Variants in PROCR observed in about 807,000 individuals in gnomAD.
PROCR encodes the protein endothelial protein C receptor.
A neutral mutation model predicts 24.2 loss-of-function variants in PROCR; 22 were observed. The ratio of observed to expected loss-of-function variants is 0.91; its 90% confidence interval spans 0.65 to 1.30. PROCR has a LOEUF of 1.30. Among genes scored for constraint, PROCR ranks in the 50% most tolerant of loss-of-function variants. PROCR has a pLI of 0.00. For synonymous variants in PROCR, 137 were observed against 139.2 expected, an observed-to-expected ratio of 0.98 and a Z score of 0.11; for missense variants, 288 against 307.7, an observed-to-expected ratio of 0.94 and a Z score of 0.48.
Position 35,176,451 on chromosome 20 carries a change from G to A in PROCR, c.601+5G>A. The A allele has an allele frequency of 1.2e-6, 2 of 1,613,472 alleles. No individual in the cohort carries two copies. The highest frequency in any genetic ancestry group is 2.2e-5 in the South Asian group (2 of 91,052). On this transcript the variant is annotated splice_donor_5th_base_variant and intron_variant, in intron 3 of 3. Transcript: ENST00000216968. ...TTTCCGCGGAAAACACGAAAGGTAT[G>A]ATGGGACGGGGCCCAGGCCTGCAAG... is the stretch of plus-strand genomic sequence containing the variant.
chr20:35,213,014 T>C (rs2060367858), intron 1 of PROCR, among the ~76,000 whole-genome samples: 1 of 152,190 alleles, frequency 6.6e-6, no homozygotes, highest in Non-Finnish European at 1.5e-5. Flanking sequence ...CAAACATGGT[T>C]GGTCATTTAA....
In PROCR at chr20:35,177,167, C is replaced by CA; in HGVS notation, c.*357dup. 1 of 1,141,350 alleles carries CA rather than the reference C, an allele frequency of 8.8e-7. No homozygotes were observed. The highest frequency in any genetic ancestry group is 1.1e-6 in the Non-Finnish European group (1 of 919,656). 70.7% of individuals were successfully genotyped at this position (1,141,350 alleles called of 1,614,324 possible). On this transcript the variant is annotated 3_prime_UTR_variant, in exon 4 of 4. Transcript: ENST00000216968. ...ACCTGAGGCGTTCAAAAGATATAACCAAATAAACAAGTCATCCACAATCAA... is the reference window on the plus strand; with the variant it reads ...ACCTGAGGCGTTCAAAAGATATAACCAAAATAAACAAGTCATCCACAATCAA...
At chr20:35,183,792 A>G (rs1401612070) in intron 1 of PROCR, among the ~76,000 whole-genome samples, 1 of 152,186 alleles carries the variant, frequency 6.6e-6, no homozygotes, top group African/African-American at 2.4e-5. Flanking sequence ...AATAGGAAAA[A>G]GCAGAGTAAA....
At chr20:35,200,224 G>T (rs1191667399) in intron 1 of PROCR, among the ~76,000 whole-genome samples, 1 of 152,212 alleles carries the variant, frequency 6.6e-6, no homozygotes, top group Non-Finnish European at 1.5e-5. Flanking sequence ...TAAAGAAGCA[G>T]CCAGAATTGA....
exon 2 of PROCR, chr20:35,216,237 T>C (rs1418722052): frequency 1.3e-5 from 2 of 152,224 alleles, no homozygotes; most frequent in Non-Finnish European, 2.9e-5. Context: ...AAATAAAGAA[T>C]GTCACTCTTC....
chr20:35,172,555 G>A (rs2085961569), intron 1 of PROCR, among the ~76,000 whole-genome samples: 1 of 152,082 alleles, frequency 6.6e-6, no homozygotes, highest in Admixed American at 6.6e-5. Context: ...GTAGATAGGG[G>A]TACATCTAGG....
intron 1 of PROCR, among the ~76,000 whole-genome samples, chr20:35,210,821 T>G (rs928667015): frequency 6.6e-6 from 1 of 151,816 alleles, no homozygotes; most frequent in Non-Finnish European, 1.5e-5. Flanking sequence ...CAAGCGATTC[T>G]CCTGCCTCAG....
intron 1 of PROCR, among the ~76,000 whole-genome samples, chr20:35,199,189 T>C (rs1191338253): frequency 6.6e-6 from 1 of 152,256 alleles, no homozygotes; most frequent in Non-Finnish European, 1.5e-5. Flanking sequence ...ATTCTCTGCC[T>C]ATGCTCCATA....
intron 1 of PROCR, among the ~76,000 whole-genome samples, chr20:35,212,387 T>C (rs2060365786): frequency 6.6e-6 from 1 of 152,184 alleles, no homozygotes; most frequent in African/African-American, 2.4e-5. Context: ...AATGTTCTGC[T>C]GTCATCATTT....
At chr20:35,194,018 C>T (rs1229401583) in intron 1 of PROCR, among the ~76,000 whole-genome samples, 3 of 152,170 alleles carry the variant, frequency 2.0e-5, no homozygotes, top group Admixed American at 2.0e-4. Flanking sequence ...AGAGTGGAAT[C>T]TCAGAAGCCA....
chr20:35,180,953 G>T (rs1288728466), downstream of PROCR, among the ~76,000 whole-genome samples: 3 of 151,290 alleles, frequency 2.0e-5, no homozygotes, highest in Non-Finnish European at 4.4e-5. Context: ...TGCAACCTCT[G>T]CCTCACAGGT....
intron 1 of PROCR, among the ~76,000 whole-genome samples, chr20:35,214,926 A>C (rs1252276546): frequency 2.5e-4 from 17 of 66,698 alleles, no homozygotes; most frequent in Admixed American, 3.4e-4. Flanking sequence ...TTTTTTTTTG[A>C]GATGGAGTCT....
intron 1 of PROCR, among the ~76,000 whole-genome samples, chr20:35,215,217 C>T (rs971084019): frequency 1.3e-5 from 2 of 152,112 alleles, no homozygotes; most frequent in African/African-American, 4.8e-5. Flanking sequence ...GGCCTTTTAC[C>T]CTCCATTTTC....
chr20:35,194,241 G>A (rs2086196974), intron 1 of PROCR, among the ~76,000 whole-genome samples: 1 of 152,144 alleles, frequency 6.6e-6, no homozygotes, highest in Non-Finnish European at 1.5e-5. Flanking sequence ...CTCTTTTGAG[G>A]AGTTTGGTTT....
At chr20:35,186,507 G>A (rs985333359) in intron 1 of PROCR, among the ~76,000 whole-genome samples, 10 of 150,646 alleles carry the variant, frequency 6.6e-5, no homozygotes, top group Non-Finnish European at 1.3e-4. Flanking sequence ...CTGAGGTTGC[G>A]GTGAGCCAAG....
chr20:35,176,317 T>C lies in PROCR; in HGVS notation c.472T>C (p.Ser158Pro), dbSNP rs1219291808. The change falls in exon 3 of 4, where the codon TCC becomes CCC. Residue 158 changes from serine (S) to proline (P), a missense_variant. Physicochemically the swap from Ser to Pro is moderately conservative, Grantham distance 74 (BLOSUM62 -1). Transcript: ENST00000216968. ...ALWQADTQVT[S>P]GVVTFTLQQL... is the part of the protein sequence containing the mutation. ...GTGGCAGGCAGACACCCAGGTCACCTCCGGAGTGGTCACCTTCACCCTGCA... is the reference window on the plus strand; with the variant it reads ...GTGGCAGGCAGACACCCAGGTCACCCCCGGAGTGGTCACCTTCACCCTGCA... The C allele has an allele frequency of 6.2e-7, 1 of 1,614,128 alleles. No homozygotes were observed. Among genetic ancestry groups the C allele is most frequent in the Non-Finnish European group, 8.5e-7 (1 of 1,180,018 alleles).
chr20:35,209,377 T>G (rs1380613158), intron 1 of PROCR, among the ~76,000 whole-genome samples: 1 of 152,198 alleles, frequency 6.6e-6, no homozygotes, highest in Non-Finnish European at 1.5e-5. Flanking sequence ...CTTTGGCTTT[T>G]TGCAGTTCGG....
At chr20:35,196,041 G>A (rs1223146549) in intron 1 of PROCR, among the ~76,000 whole-genome samples, 3 of 150,928 alleles carry the variant, frequency 2.0e-5, no homozygotes, top group Non-Finnish European at 4.4e-5. Flanking sequence ...AATTAGCACA[G>A]TGTGGTAGCA....
intron 1 of PROCR, among the ~76,000 whole-genome samples, chr20:35,184,733 T>C (rs2086108500): frequency 6.6e-6 from 1 of 151,914 alleles, no homozygotes; most frequent in Admixed American, 6.6e-5. Flanking sequence ...ACAAGATGGA[T>C]TAAGGACCTA....
Sources: gnomAD v4.1 joint callset for allele counts (sites outside exome capture counted in the v4.1 genomes callset) on GRCh38, gnomAD v4.1.1 for gene constraint, MANE v1.5 for transcripts, NCBI Gene and HGNC (gene_info 2026-07-23, HGNC 2026-07-21) for gene names.